SH3RF1: variants seen among roughly 807,000 people sequenced by gnomAD.
SH3RF1 encodes the protein E3 ubiquitin-protein ligase SH3RF1.
A neutral mutation model predicts 74.0 loss-of-function variants in SH3RF1; 32 were observed. The ratio of observed to expected loss-of-function variants is 0.43; its 90% CI spans 0.33 to 0.58. The LOEUF (loss-of-function observed/expected upper bound fraction) is 0.58. SH3RF1 is among the 20% of genes least tolerant of loss of function. The pLI, the probability that SH3RF1 is intolerant of heterozygous loss-of-function variation, is 0.05. For missense variants in SH3RF1, 954 were observed against 1,130.9 expected (o/e 0.84, Z 2.24); for synonymous variants, 396 against 439.6 (o/e 0.90, Z 1.24).
intron 4 of SH3RF1, among the ~76,000 whole-genome samples, chr4:169,138,967 T>C (rs145175806): frequency 0.011 from 1,673 of 152,172 alleles, 12 homozygotes; most frequent in Non-Finnish European, 0.015. Flanking sequence ...TTGGGGGGAC[T>C]GGGGGGAAAG....
chr4:169,209,863 C>G (rs2126995232), intron 2 of SH3RF1, among the ~76,000 whole-genome samples: 1 of 152,256 alleles, frequency 6.6e-6, no homozygotes, highest in South Asian at 2.1e-4. Context: ...AATCACGGCT[C>G]ACTGCAGCCT....
intron 2 of SH3RF1, among the ~76,000 whole-genome samples, chr4:169,165,544 C>T (rs751265733): frequency 2.0e-5 from 3 of 151,456 alleles, no homozygotes; most frequent in Non-Finnish European, 4.4e-5. Context: ...AAAAAACTAG[C>T]AAGGTATGGT....
At position 169,192,280 on chromosome 4, in the gene SH3RF1, CAT is replaced by C. The variant is rs202007715; in HGVS notation, c.394-35603_394-35602del. On this transcript the variant is annotated intron_variant, in intron 2 of 11. Coordinates refer to ENST00000284637, the MANE Select transcript of SH3RF1 (RefSeq NM_020870.4). ...AGAAGATATACAAATGGCCAACAAACATATGAAAAAAATGCTGAACATCACTA... is the reference window on the plus strand; with the variant it reads ...AGAAGATATACAAATGGCCAACAAACATGAAAAAAATGCTGAACATCACTA... Among the ~76,000 whole-genome samples, 1,302 of 150,068 alleles carry C rather than the reference CAT, an allele frequency of 8.7e-3. 23 individuals carry two copies. The highest frequency in any genetic ancestry group is 0.031 in the African/African-American group (1,245 of 40,722).
chr4:169,229,520 G>A (rs967559826), intron 2 of SH3RF1, among the ~76,000 whole-genome samples: 1 of 151,108 alleles, frequency 6.6e-6, no homozygotes, highest in South Asian at 2.1e-4. Context: ...GGAAAAGGAC[G>A]TATACCATGC....
chr4:169,122,655 TG>T, intron 6 of SH3RF1, among the ~76,000 whole-genome samples: 1 of 152,300 alleles, frequency 6.6e-6, no homozygotes, highest in Admixed American at 6.5e-5. Flanking sequence ...AATTAATTTG[TG>T]ATTGTTTCTG....
chr4:169,269,277 G>A lies in SH3RF1; in HGVS notation c.-65C>T. The A allele has an allele frequency of 1.4e-6, 2 of 1,475,586 alleles. No individual in the cohort carries two copies. Among genetic ancestry groups the A allele is most frequent in the Non-Finnish European group, 1.8e-6 (2 of 1,111,316 alleles). The allele number at this position is 1,475,586 out of a possible 1,614,324, so 91.4% of individuals were successfully genotyped here. A position where few individuals can be genotyped will look rare whatever the true frequency, so the allele number is the denominator to read the frequency against. ...CATAGTTGTGTGCATCCCTTAAAAT[G>A]ACTCATGTAACATCCATTTCAGACT... On this transcript the variant is annotated 5_prime_UTR_variant, in exon 2 of 12. Transcript: ENST00000284637.
At chr4:169,106,008 A>ATT (rs35495176) in intron 11 of SH3RF1, among the ~76,000 whole-genome samples, 2 of 150,944 alleles carry the variant, frequency 1.3e-5, no homozygotes, top group Admixed American at 6.6e-5. Context: ...TTTTTTTGCA[A>ATT]TTTTTTTTTA....
At chr4:169,131,435 G>T (rs111837776) in intron 5 of SH3RF1, among the ~76,000 whole-genome samples, 2 of 152,084 alleles carry the variant, frequency 1.3e-5, no homozygotes, top group Non-Finnish European at 2.9e-5. Context: ...ATTAGACAGA[G>T]TCTCACTATG....
intron 11 of SH3RF1, among the ~76,000 whole-genome samples, chr4:169,102,395 A>AT (rs56870426): frequency 2.0e-5 from 3 of 149,566 alleles, no homozygotes; most frequent in African/African-American, 7.5e-5. Flanking sequence ...TCATACATAG[A>AT]TTTTTTTTTT....
chr4:169,261,197 G>C (rs1272027921), intron 2 of SH3RF1, among the ~76,000 whole-genome samples: 2 of 152,072 alleles, frequency 1.3e-5, no homozygotes, highest in Non-Finnish European at 2.9e-5. Context: ...GCCCATGGCA[G>C]TGTTGGAACC....
intron 2 of SH3RF1, among the ~76,000 whole-genome samples, chr4:169,230,855 CAAAAAAA>C (rs35156191): frequency 8.2e-6 from 1 of 122,180 alleles, no homozygotes. Flanking sequence ...GAAACCACCT[CAAAAAAA>C]AAAAAAAAAA....
intron 5 of SH3RF1, among the ~76,000 whole-genome samples, chr4:169,131,575 C>CT (rs1733621751): frequency 6.6e-6 from 1 of 152,212 alleles, no homozygotes; most frequent in Non-Finnish European, 1.5e-5. Context: ...AGAATAGGGT[C>CT]TGAAGGCAGG....
At chr4:169,207,385 C>T (rs1263324747) in intron 2 of SH3RF1, among the ~76,000 whole-genome samples, 1 of 152,150 alleles carries the variant, frequency 6.6e-6, no homozygotes, top group Non-Finnish European at 1.5e-5. Flanking sequence ...CATGATCGTG[C>T]CACTGTGCTC....
intron 2 of SH3RF1, among the ~76,000 whole-genome samples, chr4:169,232,672 T>G (rs986653227): frequency 6.6e-6 from 1 of 152,168 alleles, no homozygotes; most frequent in Non-Finnish European, 1.5e-5. Context: ...TTTCTGGCTG[T>G]AAGAGCATGG....
chr4:169,198,540 A>G (rs1226809622), intron 2 of SH3RF1, among the ~76,000 whole-genome samples: 1 of 152,172 alleles, frequency 6.6e-6, no homozygotes, highest in Admixed American at 6.5e-5. Context: ...CCTGATTTGT[A>G]TATTTTGAAA....
chr4:169,141,957 T>C (rs968905153), intron 4 of SH3RF1, among the ~76,000 whole-genome samples: 58 of 152,010 alleles, frequency 3.8e-4, no homozygotes, highest in African/African-American at 1.4e-3. Flanking sequence ...GGACTACAGG[T>C]GCCTGCCACT....
chr4:169,161,507 A>G (rs1189232061), intron 2 of SH3RF1, among the ~76,000 whole-genome samples: 1 of 152,244 alleles, frequency 6.6e-6, no homozygotes, highest in Non-Finnish European at 1.5e-5. Context: ...TTGATGAACT[A>G]GCTGAGATTC....
intron 2 of SH3RF1, among the ~76,000 whole-genome samples, chr4:169,257,725 G>A (rs1208640445): frequency 6.6e-6 from 1 of 152,216 alleles, no homozygotes; most frequent in Non-Finnish European, 1.5e-5. Context: ...TTCAAGCAGT[G>A]TAACAACTTT....
intron 2 of SH3RF1, among the ~76,000 whole-genome samples, chr4:169,211,621 A>T (rs1291149133): frequency 1.3e-5 from 2 of 152,194 alleles, no homozygotes; most frequent in Admixed American, 1.3e-4. Flanking sequence ...AACTGTACTT[A>T]GTACAATTCA....
Sources: gnomAD v4.1 joint callset for allele counts (sites outside exome capture counted in the v4.1 genomes callset) on GRCh38, gnomAD v4.1.1 for gene constraint, MANE v1.5 for transcripts, NCBI Gene and HGNC (gene_info 2026-07-23, HGNC 2026-07-21) for gene names.